LMF1: variants seen among roughly 807,000 people sequenced by gnomAD.
LMF1 encodes the protein lipase maturation factor 1, also known as transmembrane protein 112.
A neutral mutation model predicts 60.6 loss-of-function variants in LMF1; 68 were observed. The observed-to-expected ratio is 1.12, with a 90% confidence interval of 0.92 to 1.37. LMF1 has a LOEUF of 1.37. Among genes scored for constraint, LMF1 ranks in the 40% most tolerant of loss-of-function variants. LMF1 has a pLI of 0.00. For synonymous variants in LMF1, 418 were observed against 324.7 expected (o/e 1.29, Z -3.09); for missense variants, 948 against 767.2 (o/e 1.24, Z -2.78).
intron 1 of LMF1, among the ~76,000 whole-genome samples, chr16:969,996 G>A (rs932013750): frequency 6.6e-6 from 1 of 152,208 alleles, no homozygotes; most frequent in South Asian, 2.1e-4. Flanking sequence ...TGTAGGCTGC[G>A]CACGCGGGCC....
rs893827159 is a variant in LMF1, at chr16:878,615, A to T, written c.897+955T>A. Reference sequence around the variant, plus strand: ...AACCGACCGCAGGCACGCACCGTGAAACAGGACCCGGCCAACAACCATGGG... The same window carrying T: ...AACCGACCGCAGGCACGCACCGTGATACAGGACCCGGCCAACAACCATGGG... On this transcript the variant is annotated intron_variant, in intron 6 of 10. Coordinates refer to ENST00000262301, the MANE Select transcript of LMF1 (RefSeq NM_022773.4). This position sits in a 1 kb window ranked among gnomAD's most constrained non-coding sequence, Gnocchi z 5.2. Among the ~76,000 whole-genome samples, 1 of 152,110 alleles carries T rather than the reference A, an allele frequency of 6.6e-6. No individual in the cohort carries two copies. Among genetic ancestry groups the T allele is most frequent in the Admixed American group, 6.5e-5 (1 of 15,290 alleles).
At chr16:924,350 A>T (rs2071532167) in intron 3 of LMF1, among the ~76,000 whole-genome samples, 1 of 152,218 alleles carries the variant, frequency 6.6e-6, no homozygotes, top group South Asian at 2.1e-4. Flanking sequence ...GTGGTACGGC[A>T]AGGGCTTCTG....
At chr16:904,492 C>A (rs1596960690) in intron 4 of LMF1, among the ~76,000 whole-genome samples, 1 of 64,648 alleles carries the variant, frequency 1.5e-5, no homozygotes. Context: ...CTGCACCGCC[C>A]ACAGGACGCC....
At chr16:918,211 TC>T (rs1385380580) in intron 3 of LMF1, among the ~76,000 whole-genome samples, 1 of 152,224 alleles carries the variant, frequency 6.6e-6, no homozygotes, top group Non-Finnish European at 1.5e-5. Context: ...TTTAAGGCTG[TC>T]CGTGGGCGCT....
intron 3 of LMF1, among the ~76,000 whole-genome samples, chr16:931,314 G>A (rs953639494): frequency 1.1e-4 from 16 of 152,258 alleles, no homozygotes; most frequent in African/African-American, 3.9e-4. Flanking sequence ...CCTAGAGCCG[G>A]CTGGCTGCTG....
chr16:897,537 C>T lies in LMF1; in HGVS notation c.664-4465G>A, dbSNP rs549828752. ...AATTACTCGCGACAGGTCCTGCCTC[C>T]GCAGGAGAGACTCAAAGGGGAGAGC... On this transcript the variant is annotated intron_variant, in intron 4 of 10. Transcript: ENST00000262301. The surrounding 1 kb of genome is among the most constrained non-coding windows in gnomAD (Gnocchi z 4.3). 3.3e-5 allele frequency among the ~76,000 whole-genome samples: 5 copies of T among 152,338 alleles called. No homozygotes were observed. The East Asian group carries it at 7.7e-4, about 24-fold the overall frequency.
intron 10 of LMF1, among the ~76,000 whole-genome samples, chr16:867,147 GC>G (rs1180918065): frequency 1.3e-5 from 2 of 152,228 alleles, no homozygotes; most frequent in Admixed American, 6.5e-5. Flanking sequence ...GGAGAGATGT[GC>G]CGTGTGGCAG....
At chr16:891,095 G>A (rs541356216) in intron 5 of LMF1, among the ~76,000 whole-genome samples, 3 of 152,358 alleles carry the variant, frequency 2.0e-5, no homozygotes, top group Non-Finnish European at 4.4e-5. Context: ...TCATGGGGGC[G>A]GGAGGGACCC....
chr16:877,575 A>C (rs2151710977), intron 6 of LMF1, among the ~76,000 whole-genome samples: 1 of 152,260 alleles, frequency 6.6e-6, no homozygotes. Flanking sequence ...CTGATGGAGA[A>C]ACGCCACAAC....
upstream of LMF1, among the ~76,000 whole-genome samples, chr16:973,141 A>G (rs1194504460): frequency 2.0e-5 from 3 of 152,000 alleles, no homozygotes; most frequent in African/African-American, 7.2e-5. Context: ...TCAGGAGTTC[A>G]AGACCAGCCT....
rs138768185 is a variant in LMF1 at position 892,747 on chromosome 16, C to T, written c.729+260G>A. ...GCCTGGGCAGGACCAAGGACAGCAG[C>T]GGAGGGTGCCCGTGCAGGAACCAGA... On this transcript the variant is annotated intron_variant, in intron 5 of 10. Transcript: ENST00000262301. Among the ~76,000 whole-genome samples the T allele has an allele frequency of 4.5e-3, 690 of 152,312 alleles. 3 individuals carry two copies. The highest frequency in any genetic ancestry group is 7.3e-3 in the Admixed American group (112 of 15,310).
At position 854,679 on chromosome 16, in the gene LMF1, G is replaced by A; in HGVS notation, c.1557C>T (p.Tyr519=). ...PRWVRGEHYR[Y]KFSRPGGRHA... Reference sequence around the variant, plus strand: ...GCCTGCCCCCAGGACGGCTGAACTTGTACCTGTAGTGCTCTCCTCGGACCC... The same window carrying A: ...GCCTGCCCCCAGGACGGCTGAACTTATACCTGTAGTGCTCTCCTCGGACCC... The change falls in exon 11 of 11, where the codon TAC becomes TAT. Residue 519 remains tyrosine (Y), a synonymous_variant. Transcript: ENST00000262301. 1.2e-6 allele frequency: 2 copies of A among 1,601,308 alleles called. No individual in the cohort carries two copies. Among genetic ancestry groups the A allele is most frequent in the Non-Finnish European group, 1.7e-6 (2 of 1,177,504 alleles).
At chr16:922,905 G>T (rs1187849802) in intron 3 of LMF1, among the ~76,000 whole-genome samples, 2 of 114,748 alleles carry the variant, frequency 1.7e-5, no homozygotes, top group African/African-American at 9.4e-5. Context: ...GGCCCTGTGT[G>T]AAAGTCGCCG....
chr16:915,534 G>C (rs1370157757), intron 3 of LMF1, among the ~76,000 whole-genome samples: 1 of 152,162 alleles, frequency 6.6e-6, no homozygotes, highest in African/African-American at 2.4e-5. Flanking sequence ...TGGCGGCCTG[G>C]GGCATGTGGG....
rs772359935 is a variant in LMF1, at chr16:970,868, G to C, written c.113C>G (p.Ala38Gly). Residue 38 changes from alanine (A) to glycine (G), a missense_variant, in exon 1 of 11, where the codon GCA (alanine) becomes GGA (glycine). Transcript: ENST00000262301. ...CGTGTGGAGATGGGCCGGAGAGCCT[G>C]CGGGGCCACGCCCCGGCGCGGGCGG... is the stretch of plus-strand genomic sequence containing the variant. ...ESPPAPGRGP[A>G]GSPAHLHTGT... is the part of the protein sequence containing the mutation. The C allele has an allele frequency of 1.9e-6, 3 of 1,565,332 alleles. No homozygotes were observed. In the South Asian group the frequency reaches 3.6e-5, roughly 19 times the overall value.
chr16:862,142 ATTCT>A (rs1344324679), intron 10 of LMF1, among the ~76,000 whole-genome samples: 5 of 151,766 alleles, frequency 3.3e-5, no homozygotes, highest in African/African-American at 1.2e-4. Context: ...ATGGCATAGA[ATTCT>A]TTGTTATATA....
intron 3 of LMF1, among the ~76,000 whole-genome samples, chr16:924,830 C>T (rs1343705185): frequency 6.6e-6 from 1 of 152,228 alleles, no homozygotes; most frequent in Non-Finnish European, 1.5e-5. Flanking sequence ...ATAAAACCAG[C>T]TCTTTGAAAA....
chr16:979,155 C>T (rs146837241), intron 1 of LMF1: 61 of 444,066 alleles, frequency 1.4e-4, no homozygotes, highest in African/African-American at 1.2e-3. Context: ...GACCCTCAAG[C>T]CATCCCGACA....
At chr16:885,801 T>C (rs1468296083) in intron 5 of LMF1, among the ~76,000 whole-genome samples, 1 of 152,170 alleles carries the variant, frequency 6.6e-6, no homozygotes, top group Non-Finnish European at 1.5e-5. Context: ...CTCCCTTATC[T>C]CAATAATTGA....
Sources: allele counts gnomAD v4.1 joint callset (sites outside exome capture counted in the v4.1 genomes callset), GRCh38; gene constraint gnomAD v4.1.1; non-coding constraint Gnocchi (gnomAD v3.1); transcripts MANE v1.5; gene names NCBI Gene and HGNC (gene_info 2026-07-23, HGNC 2026-07-21).